The following GTF2H5 variants were observed in gnomAD, a reference collection of about 807,000 sequenced individuals.
GTF2H5 encodes the protein TFB5 ortholog.
In GTF2H5, 5 loss-of-function variants were observed where a neutral mutation model predicts 7.1. The ratio of observed to expected loss-of-function variants is 0.71; its 90% confidence interval spans 0.37 to 1.49. GTF2H5 has a LOEUF of 1.49. Among genes scored for constraint, GTF2H5 ranks in the 40% most tolerant of loss-of-function variants. GTF2H5 has a pLI of 0.03. For synonymous variants in GTF2H5, 30 were observed against 31.7 expected, an observed-to-expected ratio of 0.95 and a Z score of 0.18; for missense variants, 80 against 83.0, an observed-to-expected ratio of 0.96 and a Z score of 0.14.
chr6:158,169,678 A>AGT (rs1491452253), intron 1 of GTF2H5, among the ~76,000 whole-genome samples: 1 of 48,886 alleles, frequency 2.0e-5, no homozygotes, highest in African/African-American at 1.1e-4. Flanking sequence ...TATATTATAT[A>AGT]ATATATAATA....
At chr6:158,190,442 G>A (rs748953619) in intron 2 of GTF2H5, among the ~76,000 whole-genome samples, 1 of 152,082 alleles carries the variant, frequency 6.6e-6, no homozygotes, top group Non-Finnish European at 1.5e-5. Flanking sequence ...TCTCTTGCCT[G>A]GATGTCACCT....
intron 2 of GTF2H5, among the ~76,000 whole-genome samples, chr6:158,191,364 G>A (rs558857643): frequency 1.6e-4 from 24 of 152,286 alleles, no homozygotes; most frequent in African/African-American, 5.1e-4. Flanking sequence ...TAAGAAAGCT[G>A]TGATTCTAGG....
At chr6:158,169,368 A>G in intron 1 of GTF2H5, among the ~76,000 whole-genome samples, 1 of 101,148 alleles carries the variant, frequency 9.9e-6, no homozygotes, top group Non-Finnish European at 1.8e-5. Context: ...ACATATATAT[A>G]ATATGTATAT....
intron 2 of GTF2H5, among the ~76,000 whole-genome samples, chr6:158,170,958 T>C (rs1785846709): frequency 6.6e-6 from 1 of 152,178 alleles, no homozygotes; most frequent in Non-Finnish European, 1.5e-5. Context: ...AAACCATAAA[T>C]GGGCAGAGTT....
intron 2 of GTF2H5, among the ~76,000 whole-genome samples, chr6:158,191,150 T>G (rs1470131844): frequency 6.6e-6 from 1 of 152,200 alleles, no homozygotes; most frequent in Admixed American, 6.5e-5. Flanking sequence ...GGAGATTAAG[T>G]ACCTATTCTA....
At position 158,192,857 on chromosome 6, in the gene GTF2H5, A is replaced by T. The variant is rs1366697507; in HGVS notation, c.*700A>T. On this transcript the variant is annotated 3_prime_UTR_variant, in exon 3 of 3. Transcript: ENST00000607778. ...TTGAGCCCAGGAGTCCGAGGTTGCT[A>T]CAAAAACACCATTGCACTCTGGCCT... The T allele has an allele frequency of 2.0e-5, 3 of 146,784 alleles. No homozygotes were observed. The highest frequency in any genetic ancestry group is 7.7e-5 in the African/African-American group (3 of 39,082). 9.1% of individuals were successfully genotyped at this position (146,784 alleles called of 1,614,324 possible). A position where few individuals can be genotyped will look rare whatever the true frequency, so the allele number is the denominator to read the frequency against.
intron 1 of GTF2H5, among the ~76,000 whole-genome samples, chr6:158,169,960 G>T (rs1474651377): frequency 6.6e-6 from 1 of 150,792 alleles, no homozygotes; most frequent in African/African-American, 2.4e-5. Flanking sequence ...GCAAGAGGTT[G>T]CAGGGAGCAG....
At chr6:158,184,622 C>G (rs922767378) in intron 2 of GTF2H5, among the ~76,000 whole-genome samples, 4 of 152,144 alleles carry the variant, frequency 2.6e-5, no homozygotes, top group Admixed American at 2.0e-4. Flanking sequence ...ACTCAGAAAA[C>G]ACTTTGGAAA....
rs114283221 is a variant in GTF2H5, at chr6:158,192,751, A to G, written c.*594A>G. On this transcript the variant is annotated 3_prime_UTR_variant, in exon 3 of 3. Coordinates refer to ENST00000607778, the MANE Select transcript of GTF2H5 (RefSeq NM_207118.3). The stretch of plus-strand genomic sequence containing the variant: ...TGCTTTGTTTAGTTTTTCCTTGTTC[A>G]AACTTTGTTGGTCACATTTTCCCAT... The G allele has an allele frequency of 6.9e-3, 1,076 of 155,104 alleles. 11 individuals carry two copies. The highest frequency in any genetic ancestry group is 0.025 in the African/African-American group (1,020 of 41,508). The allele number at this position is 155,104 out of a possible 1,614,324, so 9.6% of individuals were successfully genotyped here.
chr6:158,195,745 AC>A lies in GTF2H5; in HGVS notation c.*3589del, dbSNP rs1777097058. 6.6e-6 allele frequency: 1 copy of A among 152,200 alleles called. No individual in the cohort carries two copies. Among genetic ancestry groups the A allele is most frequent in the South Asian group, 2.1e-4 (1 of 4,832 alleles). The allele number at this position is 152,200 out of a possible 1,614,324, so 9.4% of individuals were successfully genotyped here. ...CTGACAACTAGGAGTAAAAGCTCTG[AC>A]AAAAAGCCTCTGCTGTAACTAAAAT... On this transcript the variant is annotated 3_prime_UTR_variant, in exon 3 of 3. Coordinates refer to ENST00000607778, the MANE Select transcript of GTF2H5 (RefSeq NM_207118.3).
intron 2 of GTF2H5, among the ~76,000 whole-genome samples, chr6:158,182,562 C>G (rs1786025231): frequency 6.6e-6 from 1 of 151,700 alleles, no homozygotes; most frequent in African/African-American, 2.4e-5. Flanking sequence ...TTCTTGGAGG[C>G]TTTGTTCATT....
chr6:158,186,305 A>G (rs527879585), intron 2 of GTF2H5, among the ~76,000 whole-genome samples: 1 of 152,338 alleles, frequency 6.6e-6, no homozygotes, highest in Non-Finnish European at 1.5e-5. Flanking sequence ...ATGTAAATTT[A>G]TTCCATTTAG....
At chr6:158,181,550 T>G (rs986609184) in intron 2 of GTF2H5, among the ~76,000 whole-genome samples, 1 of 152,206 alleles carries the variant, frequency 6.6e-6, no homozygotes, top group Non-Finnish European at 1.5e-5. Context: ...CGAATCTGGG[T>G]CCCCCTGTAT....
In GTF2H5 at chr6:158,169,584, TAA is replaced by T. The variant is rs1357546815; in HGVS notation, c.-34-885_-34-884del. ...TATATAATATATTGTATATTATATA[TAA>T]TATATTGTATATTACATATATTGTA... On this transcript the variant is annotated intron_variant, in intron 1 of 2. Coordinates refer to ENST00000607778, the MANE Select transcript of GTF2H5 (RefSeq NM_207118.3). Among the ~76,000 whole-genome samples, 3 of 92,444 alleles carry T rather than the reference TAA, an allele frequency of 3.2e-5. 1 individual carries two copies. Among genetic ancestry groups the T allele is most frequent in the African/African-American group, 9.0e-5 (2 of 22,222 alleles). The allele number at this position is 92,444 out of a possible 152,430, so 60.6% of individuals were successfully genotyped here. A position where few individuals can be genotyped will look rare whatever the true frequency, so the allele number is the denominator to read the frequency against.
At position 158,197,930 on chromosome 6, in the gene GTF2H5, T is replaced by A. The variant is rs1260014415; in HGVS notation, c.*5773T>A. On this transcript the variant is annotated 3_prime_UTR_variant, in exon 3 of 3. Transcript: ENST00000607778. ...CTCAGTTCTTTAGGGATAGACTGAA[T>A]GGCTGGTATCATTGCTTGAACTTAA... is the stretch of plus-strand genomic sequence containing the variant. 6.6e-6 allele frequency: 1 copy of A among 152,234 alleles called. No individual in the cohort carries two copies. Among genetic ancestry groups the A allele is most frequent in the Non-Finnish European group, 1.5e-5 (1 of 68,044 alleles). 9.4% of individuals were successfully genotyped at this position (152,234 alleles called of 1,614,324 possible).
chr6:158,186,795 G>A (rs978586763), intron 2 of GTF2H5, among the ~76,000 whole-genome samples: 16 of 152,150 alleles, frequency 1.1e-4, no homozygotes, highest in African/African-American at 3.4e-4. Flanking sequence ...CGGGCTTCCC[G>A]GTCATAGGTA....
intron 2 of GTF2H5, among the ~76,000 whole-genome samples, chr6:158,181,238 GT>G (rs1407297932): frequency 6.6e-6 from 1 of 152,174 alleles, no homozygotes; most frequent in Non-Finnish European, 1.5e-5. Flanking sequence ...CTGAGAGACA[GT>G]TTGTTGTGAT....
chr6:158,182,366 T>G (rs1786022362), intron 2 of GTF2H5, among the ~76,000 whole-genome samples: 1 of 152,220 alleles, frequency 6.6e-6, no homozygotes, highest in Non-Finnish European at 1.5e-5. Context: ...GGGTTGCTCT[T>G]CTTGAGGAGT....
In GTF2H5 at chr6:158,192,269, C is replaced by A; in HGVS notation, c.*112C>A. 1 of 781,498 alleles carries A rather than the reference C, an allele frequency of 1.3e-6. No individual in the cohort carries two copies. The allele number at this position is 781,498 out of a possible 1,614,324, so 48.4% of individuals were successfully genotyped here. ...AGAGGGTTGTTTTAGGAGCATGCCA[C>A]GGGAAAGACTGAGGGATCATGATCA... On this transcript the variant is annotated 3_prime_UTR_variant, in exon 3 of 3. Transcript: ENST00000607778.
Sources: allele counts gnomAD v4.1 joint callset (sites outside exome capture counted in the v4.1 genomes callset), GRCh38; gene constraint gnomAD v4.1.1; transcripts MANE v1.5; gene names NCBI Gene and HGNC (gene_info 2026-07-23, HGNC 2026-07-21).